Variants in UNC13C observed in about 807,000 individuals in gnomAD.
The protein encoded by UNC13C is protein unc-13 homolog C.
In UNC13C, 174 loss-of-function variants were observed where a neutral mutation model predicts 245.4. The ratio of observed to expected loss-of-function variants is 0.71; its 90% CI spans 0.63 to 0.80. UNC13C has a LOEUF of 0.80. Among genes scored for constraint, UNC13C ranks in the 30% least tolerant of loss-of-function variants. UNC13C has a pLI of 0.00. For missense variants in UNC13C, 2,829 were observed against 2,602.9 expected (o/e 1.09, Z -1.89); for synonymous variants, 992 against 895.1 (o/e 1.11, Z -1.93).
chr15:54,224,591 G>A (rs1451468051), intron 4 of UNC13C, among the ~76,000 whole-genome samples: 1 of 151,980 alleles, frequency 6.6e-6, no homozygotes, highest in Non-Finnish European at 1.5e-5. Context: ...ATTGGCCTGT[G>A]GCTTTCTTAC....
chr15:54,483,698 G>T (rs139147656), intron 19 of UNC13C, among the ~76,000 whole-genome samples: 1 of 152,088 alleles, frequency 6.6e-6, no homozygotes, highest in Non-Finnish European at 1.5e-5. Flanking sequence ...GTTTCACCCC[G>T]TCTGCCTCTG....
intron 4 of UNC13C, among the ~76,000 whole-genome samples, chr15:54,185,843 C>G (rs1368977714): frequency 6.6e-6 from 1 of 150,974 alleles, no homozygotes; most frequent in East Asian, 1.9e-4. Context: ...GGCATTGAAT[C>G]TATAAATTAC....
At chr15:54,105,175 A>G (rs11071041) in intron 2 of UNC13C, among the ~76,000 whole-genome samples, 140,453 of 152,162 alleles carry the variant, frequency 0.92, 65,119 homozygotes, top group Non-Finnish European at 0.96. Context: ...CTTTTTGCCT[A>G]GAGTTTCTGG....
At chr15:54,162,301 A>G (rs1395451764) in intron 4 of UNC13C, among the ~76,000 whole-genome samples, 3 of 152,170 alleles carry the variant, frequency 2.0e-5, no homozygotes. Flanking sequence ...GGTTCACTCT[A>G]CTGCTGGTTA....
intron 17 of UNC13C, among the ~76,000 whole-genome samples, chr15:54,391,387 A>T (rs185385840): frequency 1.4e-4 from 21 of 152,256 alleles, no homozygotes; most frequent in African/African-American, 4.6e-4. Flanking sequence ...TAATTACATT[A>T]TAGTAGTGAT....
At chr15:53,893,489 G>C in the UNC13C span, among the ~76,000 whole-genome samples, 1 of 152,240 alleles carries the variant, frequency 6.6e-6, no homozygotes, top group African/African-American at 2.4e-5. Flanking sequence ...GTTCCAGGGA[G>C]ATGGGGGTTT....
chr15:54,244,389 T>A (rs2035937773), intron 7 of UNC13C, among the ~76,000 whole-genome samples: 1 of 152,230 alleles, frequency 6.6e-6, no homozygotes, highest in Admixed American at 6.5e-5. Context: ...GTACTATAGT[T>A]CGAAGGTGGG....
At chr15:54,018,463 A>T (rs947635522) in intron 2 of UNC13C, among the ~76,000 whole-genome samples, 15 of 152,238 alleles carry the variant, frequency 9.9e-5, no homozygotes, top group African/African-American at 3.6e-4. Context: ...TCCAATGTTT[A>T]TAGATGTGGA....
chr15:53,965,923 T>C, the UNC13C span, among the ~76,000 whole-genome samples: 1 of 152,180 alleles, frequency 6.6e-6, no homozygotes. Flanking sequence ...TGCATAGTAT[T>C]CCATGGTGTA....
intron 17 of UNC13C, among the ~76,000 whole-genome samples, chr15:54,373,705 C>T (rs1309637466): frequency 1.3e-5 from 2 of 152,192 alleles, no homozygotes; most frequent in African/African-American, 4.8e-5. Context: ...GGCTGCAGCT[C>T]TTCTCTTTTC....
chr15:54,083,264 T>G (rs1409874253), intron 2 of UNC13C, among the ~76,000 whole-genome samples: 1 of 152,102 alleles, frequency 6.6e-6, no homozygotes, highest in African/African-American at 2.4e-5. Flanking sequence ...GTTCTTTGGC[T>G]CCCAGCTGCA....
chr15:54,011,731 G>A (rs976547908), intron 1 of UNC13C, among the ~76,000 whole-genome samples: 1 of 152,078 alleles, frequency 6.6e-6, no homozygotes, highest in African/African-American at 2.4e-5. Flanking sequence ...CATCTCTTTC[G>A]CTCCATCTTT....
intron 4 of UNC13C, among the ~76,000 whole-genome samples, chr15:54,211,618 G>C (rs1317184097): frequency 6.6e-6 from 1 of 152,040 alleles, no homozygotes; most frequent in Non-Finnish European, 1.5e-5. Flanking sequence ...ACTGGTTGTG[G>C]TGTACAAAGT....
At chr15:54,456,526 G>A (rs940139169) in intron 19 of UNC13C, among the ~76,000 whole-genome samples, 1 of 151,660 alleles carries the variant, frequency 6.6e-6, no homozygotes, top group African/African-American at 2.4e-5. Flanking sequence ...GTTTCTTTCA[G>A]CAGTGTTTTG....
At chr15:54,065,789 T>C (rs1007065632) in intron 2 of UNC13C, among the ~76,000 whole-genome samples, 37 of 152,294 alleles carry the variant, frequency 2.4e-4, no homozygotes, top group African/African-American at 8.7e-4. Flanking sequence ...ACACTCTTTT[T>C]GTGCATCTTG....
At chr15:54,095,121 A>G (rs1260422070) in intron 2 of UNC13C, among the ~76,000 whole-genome samples, 1 of 152,156 alleles carries the variant, frequency 6.6e-6, no homozygotes, top group Non-Finnish European at 1.5e-5. Flanking sequence ...AGGCTCTCCC[A>G]ACATGGAAGC....
chr15:54,545,906 G>C (rs1896462950), intron 26 of UNC13C, among the ~76,000 whole-genome samples: 1 of 152,152 alleles, frequency 6.6e-6, no homozygotes, highest in Non-Finnish European at 1.5e-5. Context: ...TTGAAAGACA[G>C]TGTGGCGATT....
chr15:54,327,254 C>T (rs2038321593), intron 14 of UNC13C, among the ~76,000 whole-genome samples: 1 of 151,896 alleles, frequency 6.6e-6, no homozygotes, highest in Admixed American at 6.6e-5. Flanking sequence ...TATATACATG[C>T]TCAATATATA....
At chr15:54,237,869 C>T (rs1048352093) in intron 7 of UNC13C, among the ~76,000 whole-genome samples, 179 bp downstream of exon 7, 1 of 152,128 alleles carries the variant, frequency 6.6e-6, no homozygotes, top group South Asian at 2.1e-4. Context: ...CAATCATTGT[C>T]TTCTCCTCAA....
Sources: allele counts gnomAD v4.1 joint callset (sites outside exome capture counted in the v4.1 genomes callset), GRCh38; gene constraint gnomAD v4.1.1; transcripts MANE v1.5; gene names NCBI Gene and HGNC (gene_info 2026-07-23, HGNC 2026-07-21).